The following PTPRZ1 variants were observed in gnomAD, a reference collection of about 807,000 sequenced individuals.
The protein encoded by PTPRZ1 is protein tyrosine phosphatase receptor type Z1.
In PTPRZ1, 82 loss-of-function variants were observed where a neutral mutation model predicts 214.1. That is an observed-to-expected ratio of 0.38 (90% CI 0.32 to 0.46). The LOEUF is 0.46. Ranked by LOEUF, PTPRZ1 falls within the 20% of genes least tolerant of loss-of-function variation. The probability of loss-of-function intolerance (pLI) is 1.00; values close to 1 mark genes in which losing one functional copy is unlikely to be tolerated. For missense variants in PTPRZ1, 2,603 were observed against 2,748.7 expected (o/e 0.95, Z 1.19); for synonymous variants, 945 against 987.9 (o/e 0.96, Z 0.81).
intron 15 of PTPRZ1, chr7:122,032,073 G>T (rs2150469413): frequency 6.6e-6 from 1 of 152,168 alleles, no homozygotes; most frequent in South Asian, 2.1e-4. Flanking sequence ...AAATCAGTAA[G>T]TTTTTTCCAA....
At chr7:121,983,877 A>T in intron 7 of PTPRZ1, 55 bp downstream of exon 7, 1 of 1,593,394 alleles carries the variant, frequency 6.3e-7, no homozygotes, top group Non-Finnish European at 8.6e-7. Context: ...AAAAAACATT[A>T]TGTTCTAAGT....
At chr7:121,961,084 G>A (rs756018822) in intron 2 of PTPRZ1, among the ~76,000 whole-genome samples, 18 of 152,160 alleles carry the variant, frequency 1.2e-4, no homozygotes, top group Non-Finnish European at 2.4e-4. Flanking sequence ...CAGTGATGCT[G>A]TAAAAATCAA....
At chr7:121,941,492 G>GT (rs1404557732) in intron 2 of PTPRZ1, among the ~76,000 whole-genome samples, 2 of 152,194 alleles carry the variant, frequency 1.3e-5, no homozygotes, top group Non-Finnish European at 2.9e-5. Flanking sequence ...TAGGAAATTT[G>GT]TAAGAGCAGT....
chr7:122,048,328 G>C (rs73222698), intron 23 of PTPRZ1, among the ~76,000 whole-genome samples: 14,162 of 151,978 alleles, frequency 0.093, 836 homozygotes, highest in Admixed American at 0.18. Context: ...TTGATGAAGG[G>C]AGGAAAGAAT....
chr7:121,874,200 A>G (rs1793982056), intron 1 of PTPRZ1, among the ~76,000 whole-genome samples: 1 of 152,014 alleles, frequency 6.6e-6, no homozygotes, highest in East Asian at 1.9e-4. Flanking sequence ...AGGTTTGGTC[A>G]GTGCTGCCAA....
intron 29 of PTPRZ1, among the ~76,000 whole-genome samples, chr7:122,060,156 A>G (rs1226836630): frequency 6.6e-6 from 1 of 152,172 alleles, no homozygotes; most frequent in Non-Finnish European, 1.5e-5. Flanking sequence ...TGAATGTAGA[A>G]GTCATAGGCT....
intron 2 of PTPRZ1, among the ~76,000 whole-genome samples, chr7:121,960,686 T>G (rs1253113649): frequency 6.6e-6 from 1 of 152,182 alleles, no homozygotes; most frequent in African/African-American, 2.4e-5. Context: ...TTTCTTTGAC[T>G]TTTATTTCAT....
intron 8 of PTPRZ1, among the ~76,000 whole-genome samples, chr7:121,987,581 C>T (rs559082668): frequency 6.6e-6 from 1 of 152,140 alleles, no homozygotes; most frequent in African/African-American, 2.4e-5. Flanking sequence ...TGTTTGTTGG[C>T]TTTTTAATAA....
chr7:121,908,422 T>C (rs909252326), intron 1 of PTPRZ1: 1 of 388,734 alleles, frequency 2.6e-6, no homozygotes, highest in Non-Finnish European at 4.9e-6. Context: ...TTTTTTCTCT[T>C]TCTTTTAAGA....
At chr7:122,052,044 T>C in intron 25 of PTPRZ1, 105 bp downstream of exon 25, 1 of 800,692 alleles carries the variant, frequency 1.2e-6, no homozygotes, top group Non-Finnish European at 1.9e-6. Flanking sequence ...AAATGAGTGG[T>C]AAATTTAAGT....
At chr7:121,930,678 A>G (rs1487587674) in intron 2 of PTPRZ1, among the ~76,000 whole-genome samples, 2 of 152,120 alleles carry the variant, frequency 1.3e-5, no homozygotes, top group African/African-American at 4.8e-5. Flanking sequence ...TTTTTCTATT[A>G]TGTTTTTGTA....
chr7:121,991,692 G>C (rs1301962908), intron 8 of PTPRZ1, among the ~76,000 whole-genome samples: 3 of 152,156 alleles, frequency 2.0e-5, no homozygotes, highest in African/African-American at 7.2e-5. Flanking sequence ...ACTACAAATT[G>C]AACTGTTGAT....
intron 1 of PTPRZ1, among the ~76,000 whole-genome samples, chr7:121,903,664 C>T (rs1027024105): frequency 6.6e-6 from 1 of 152,140 alleles, no homozygotes; most frequent in African/African-American, 2.4e-5. Context: ...GCTTTCGGCT[C>T]ACTTTGGTTT....
chr7:122,022,706 C>A (rs1799054711), intron 13 of PTPRZ1, among the ~76,000 whole-genome samples: 1 of 152,016 alleles, frequency 6.6e-6, no homozygotes, highest in Non-Finnish European at 1.5e-5. Flanking sequence ...TTGCTTGCAC[C>A]TTCAGTATCA....
intron 13 of PTPRZ1, among the ~76,000 whole-genome samples, chr7:122,025,188 A>T (rs1799172037): frequency 6.6e-6 from 1 of 152,192 alleles, no homozygotes; most frequent in South Asian, 2.1e-4. Flanking sequence ...TAAGCACAAA[A>T]CAAATATAAT....
rs759668470 is a variant in PTPRZ1, at chr7:122,011,978, A to G, written c.2932A>G (p.Thr978Ala). Residue 978 changes from threonine to alanine, a missense_variant, in exon 12 of 30, where the codon ACC (threonine) becomes GCC (alanine). Physicochemically the swap from Thr to Ala is moderately conservative, Grantham distance 58. Transcript: ENST00000393386. ...ACCAATACCTAAGTCTTCGTTAATAACCCCAACTGCATCATTACTGCAGCC... is the reference window on the plus strand; with the variant it reads ...ACCAATACCTAAGTCTTCGTTAATAGCCCCAACTGCATCATTACTGCAGCC... Reference protein sequence around the residue: ...HIPIPKSSLITPTASLLQPTH... With the variant: ...HIPIPKSSLIAPTASLLQPTH... 12 of 1,613,994 alleles carry G rather than the reference A, an allele frequency of 7.4e-6. No homozygotes were observed. In the Admixed American group the frequency reaches 2.0e-4, roughly 27 times the overall value.
intron 24 of PTPRZ1, among the ~76,000 whole-genome samples, 168 bp from the exon 25 acceptor site, chr7:122,051,698 T>C (rs1792190430): frequency 6.6e-6 from 1 of 152,216 alleles, no homozygotes; most frequent in African/African-American, 2.4e-5. Context: ...TATCTAAATA[T>C]GCAAAATGTA....
Position 122,034,088 on chromosome 7 carries a change from T to A in PTPRZ1, c.5167-7T>A, listed in dbSNP as rs1302351169. 2 of 1,591,932 alleles carry A rather than the reference T, an allele frequency of 1.3e-6. No individual in the cohort carries two copies. Among genetic ancestry groups the A allele is most frequent in the Non-Finnish European group, 1.7e-6 (2 of 1,160,552 alleles). On this transcript the variant is annotated splice_region_variant and splice_polypyrimidine_tract_variant and intron_variant, in intron 15 of 29. Coordinates refer to ENST00000393386, the MANE Select transcript of PTPRZ1 (RefSeq NM_002851.3). ...CTTTACTTTTTTGGCATTCATTCCC[T>A]CATTAGACACTGAAAGAGTTTTACC...
intron 1 of PTPRZ1, among the ~76,000 whole-genome samples, chr7:121,914,798 C>G (rs1029033251): frequency 6.6e-6 from 1 of 152,074 alleles, no homozygotes; most frequent in African/African-American, 2.4e-5. Context: ...CTTGCTCTAC[C>G]TATACCTCTC....
Sources: allele counts gnomAD v4.1 joint callset (sites outside exome capture counted in the v4.1 genomes callset), GRCh38; gene constraint gnomAD v4.1.1; transcripts MANE v1.5; gene names NCBI Gene and HGNC (gene_info 2026-07-23, HGNC 2026-07-21).